Variants in PPP2R5E observed in about 807,000 individuals in gnomAD.
PPP2R5E encodes serine/threonine-protein phosphatase 2A 56 kDa regulatory subunit epsilon isoform.
A neutral mutation model predicts 65.3 loss-of-function variants in PPP2R5E; 4 were observed. The observed-to-expected ratio is 0.06, with a 90% CI of 0.03 to 0.14. The LOEUF (loss-of-function observed/expected upper bound fraction) is 0.14. PPP2R5E is among the 10% of genes least tolerant of loss of function. The pLI is 1.00. For synonymous variants in PPP2R5E, 183 were observed against 187.4 expected, an observed-to-expected ratio of 0.98 and a Z score of 0.19; for missense variants, 274 against 556.1, an observed-to-expected ratio of 0.49 and a Z score of 5.10.
chr14:63,462,753 A>T (rs546269656), intron 2 of PPP2R5E, among the ~76,000 whole-genome samples: 3 of 152,290 alleles, frequency 2.0e-5, no homozygotes, highest in Admixed American at 6.5e-5. Flanking sequence ...TAATAAAATA[A>T]ATTATTTCCT....
intron 2 of PPP2R5E, among the ~76,000 whole-genome samples, chr14:63,489,234 T>A (rs1891164043): frequency 6.6e-6 from 1 of 151,978 alleles, no homozygotes; most frequent in Admixed American, 6.6e-5. Context: ...CCAAAGAAGA[T>A]TTGGAAAGTA....
intron 2 of PPP2R5E, among the ~76,000 whole-genome samples, chr14:63,535,145 C>G (rs1413019264): frequency 2.0e-5 from 3 of 152,066 alleles, no homozygotes; most frequent in African/African-American, 7.2e-5. Flanking sequence ...GCAAAATAGG[C>G]TGGGCGCAGT....
intron 2 of PPP2R5E, among the ~76,000 whole-genome samples, chr14:63,519,210 G>A (rs374012080): frequency 2.8e-4 from 43 of 151,656 alleles, no homozygotes; most frequent in African/African-American, 9.7e-4. Flanking sequence ...GCGAGACTCC[G>A]TCTCAAAAAA....
Position 63,373,889 on chromosome 14 carries a change from G to A in PPP2R5E, c.*2120C>T, listed in dbSNP as rs1883829578. The A allele has an allele frequency of 6.6e-6, 1 of 151,890 alleles. No homozygotes were observed. The highest frequency in any genetic ancestry group is 6.6e-5 in the Admixed American group (1 of 15,236). The allele number at this position is 151,890 out of a possible 1,614,324, so 9.4% of individuals were successfully genotyped here. A position where few individuals can be genotyped will look rare whatever the true frequency, so the allele number is the denominator to read the frequency against. On this transcript the variant is annotated 3_prime_UTR_variant, in exon 14 of 14. Coordinates refer to ENST00000337537, the MANE Select transcript of PPP2R5E (RefSeq NM_006246.5). ...GGCTAAAATGACAAGGGCTAAAAAGGAGAAGATTTGTTACAAATTTATTTT... is the reference window on the plus strand; with the variant it reads ...GGCTAAAATGACAAGGGCTAAAAAGAAGAAGATTTGTTACAAATTTATTTT...
chr14:63,429,317 T>C (rs1456833749), intron 3 of PPP2R5E, among the ~76,000 whole-genome samples: 8 of 152,226 alleles, frequency 5.3e-5, no homozygotes, highest in Admixed American at 5.2e-4. Context: ...ATTGCAAGCA[T>C]ATCAACTATA....
At chr14:63,520,199 C>G (rs1594965466) in intron 2 of PPP2R5E, among the ~76,000 whole-genome samples, 2 of 151,714 alleles carry the variant, frequency 1.3e-5, no homozygotes, top group South Asian at 2.1e-4. Flanking sequence ...CCACGCCCGG[C>G]TAATTTTTTG....
chr14:63,425,402 T>G (rs1220279451), intron 3 of PPP2R5E, among the ~76,000 whole-genome samples: 1 of 152,242 alleles, frequency 6.6e-6, no homozygotes, highest in Non-Finnish European at 1.5e-5. Context: ...AAACTATACA[T>G]GTAATTCAAA....
At chr14:63,381,566 G>A (rs1380665106) in intron 13 of PPP2R5E, among the ~76,000 whole-genome samples, 1 of 149,804 alleles carries the variant, frequency 6.7e-6, no homozygotes, top group Non-Finnish European at 1.5e-5. Flanking sequence ...AGGAAGCTTT[G>A]TTACTCAGTG....
chr14:63,449,981 T>C (rs1024490279), intron 3 of PPP2R5E, among the ~76,000 whole-genome samples: 9 of 150,008 alleles, frequency 6.0e-5, no homozygotes, highest in African/African-American at 2.0e-4. Context: ...GTTCAAGCGA[T>C]TCTCTTGCCT....
chr14:63,517,822 AC>A, intron 2 of PPP2R5E, among the ~76,000 whole-genome samples: 1 of 152,308 alleles, frequency 6.6e-6, no homozygotes, highest in East Asian at 1.9e-4. Context: ...TAATTGCTTC[AC>A]CTAACTGCGG....
chr14:63,541,611 G>A (rs1893908430), intron 1 of PPP2R5E, among the ~76,000 whole-genome samples: 1 of 152,168 alleles, frequency 6.6e-6, no homozygotes, highest in Non-Finnish European at 1.5e-5. Flanking sequence ...ATGCTGAAAT[G>A]CAATTACTCA....
At position 63,373,965 on chromosome 14, in the gene PPP2R5E, C is replaced by T. The variant is rs1376846040; in HGVS notation, c.*2044G>A. 2.0e-5 allele frequency: 3 copies of T among 150,106 alleles called. No homozygotes were observed. Among genetic ancestry groups the T allele is most frequent in the Admixed American group, 1.3e-4 (2 of 15,088 alleles). 9.3% of individuals were successfully genotyped at this position (150,106 alleles called of 1,614,324 possible). On this transcript the variant is annotated 3_prime_UTR_variant, in exon 14 of 14. Coordinates refer to ENST00000337537, the MANE Select transcript of PPP2R5E (RefSeq NM_006246.5). The stretch of plus-strand genomic sequence containing the variant: ...AAGTCAGTTGTTTCGTCTTTGGCAG[C>T]CTCTGCCAACTTTACAGTGAATCCC...
intron 2 of PPP2R5E, among the ~76,000 whole-genome samples, chr14:63,464,779 C>T (rs577659053): frequency 6.6e-5 from 10 of 152,128 alleles, no homozygotes; most frequent in African/African-American, 1.7e-4. Flanking sequence ...CCCAGCACCT[C>T]GGGGAGGCCG....
chr14:63,531,292 G>A (rs553097759), intron 2 of PPP2R5E, among the ~76,000 whole-genome samples: 26 of 93,618 alleles, frequency 2.8e-4, no homozygotes, highest in Middle Eastern at 5.9e-3. Context: ...CCATCCCCCC[G>A]ACCCCACAAC....
At chr14:63,451,339 T>C (rs1404600742) in intron 3 of PPP2R5E, 2 of 152,180 alleles carry the variant, frequency 1.3e-5, no homozygotes, top group South Asian at 2.1e-4. Flanking sequence ...GGTGAATGGA[T>C]AAACTATGGT....
intron 3 of PPP2R5E, among the ~76,000 whole-genome samples, chr14:63,445,445 A>G (rs777322549): frequency 2.6e-5 from 4 of 152,226 alleles, no homozygotes; most frequent in African/African-American, 9.6e-5. Context: ...AGCGAGTTGT[A>G]ATCTTTTTTG....
chr14:63,422,729 TAAAAAAAAAAAAAA>T (rs567590182), intron 3 of PPP2R5E, among the ~76,000 whole-genome samples: 27 of 88,238 alleles, frequency 3.1e-4, no homozygotes, highest in African/African-American at 7.1e-4. Context: ...TCCGTCTATT[TAAAAAAAAAAAAAA>T]AAAAAAAAAA....
intron 2 of PPP2R5E, among the ~76,000 whole-genome samples, chr14:63,524,048 G>C (rs1251701835): frequency 6.6e-6 from 1 of 152,148 alleles, no homozygotes; most frequent in Non-Finnish European, 1.5e-5. Context: ...TCAGTAAAAG[G>C]TTAATTCAAG....
At chr14:63,380,963 G>A (rs1884319511) in intron 13 of PPP2R5E, among the ~76,000 whole-genome samples, 1 of 152,132 alleles carries the variant, frequency 6.6e-6, no homozygotes, top group Admixed American at 6.5e-5. Flanking sequence ...GGGAACCAGA[G>A]AGGTTCAGCA....
Sources: allele counts gnomAD v4.1 joint callset (sites outside exome capture counted in the v4.1 genomes callset), GRCh38; gene constraint gnomAD v4.1.1; transcripts MANE v1.5; gene names NCBI Gene and HGNC (gene_info 2026-07-23, HGNC 2026-07-21).